LRGUK: variants seen among roughly 807,000 people sequenced by gnomAD.
LRGUK encodes the protein leucine-rich repeat and guanylate kinase domain-containing protein.
A neutral mutation model predicts 76.0 loss-of-function variants in LRGUK; 65 were observed. The ratio of observed to expected loss-of-function variants is 0.85; its 90% CI spans 0.70 to 1.05. The LOEUF (loss-of-function observed/expected upper bound fraction) is 1.05. Ranked by LOEUF, LRGUK falls within the 50% of genes least tolerant of loss-of-function variation. LRGUK has a pLI of 0.00. For missense variants in LRGUK, 758 were observed against 732.8 expected, an observed-to-expected ratio of 1.03 and a Z score of -0.40; for synonymous variants, 268 against 265.6, an observed-to-expected ratio of 1.01 and a Z score of -0.09.
exon 15 of LRGUK, chr7:134,201,555 A>G (rs911509465): frequency 1.2e-6 from 2 of 1,613,694 alleles, no homozygotes; most frequent in African/African-American, 2.7e-5. Context: ...GGAACCTGCC[A>G]AGAGTTTGGC....
chr7:134,239,572 C>T (rs921607305), intron 16 of LRGUK, among the ~76,000 whole-genome samples: 9 of 152,310 alleles, frequency 5.9e-5, no homozygotes, highest in African/African-American at 2.2e-4. Context: ...TGGGTGGAGC[C>T]CACCACAGCT....
downstream of LRGUK, among the ~76,000 whole-genome samples, chr7:134,265,848 T>C (rs1802844913): frequency 6.6e-6 from 1 of 152,186 alleles, no homozygotes; most frequent in Non-Finnish European, 1.5e-5. Context: ...TCCTTCCCAC[T>C]GGAGAGTATT....
At position 134,198,215 on chromosome 7, in the gene LRGUK, A is replaced by G. The variant is rs145692950; in HGVS notation, c.1546-1005A>G. ...TGTTTTCTTTGTTTCTATAATAACT[A>G]GCAAAAATAAAAGGTCTTTTCTAAA... is the stretch of plus-strand genomic sequence containing the variant. On this transcript the variant is annotated intron_variant, in intron 13 of 15. Transcript: ENST00000645682. 1.9e-3 allele frequency among the ~76,000 whole-genome samples: 295 copies of G among 152,366 alleles called. 1 individual carries two copies. Among genetic ancestry groups the G allele is most frequent in the African/African-American group, 6.5e-3 (269 of 41,598 alleles).
chr7:134,209,258 C>T, exon 16 of LRGUK: 1 of 399,128 alleles, frequency 2.5e-6, no homozygotes, highest in Non-Finnish European at 4.4e-6. Flanking sequence ...TGGCCCCACT[C>T]CCCTCAGCCC....
chr7:134,229,185 G>T (rs1168995029), intron 16 of LRGUK, among the ~76,000 whole-genome samples: 1 of 152,032 alleles, frequency 6.6e-6, no homozygotes, highest in African/African-American at 2.4e-5. Context: ...AAACCAGCCT[G>T]GCTAACATAT....
At position 134,258,354 on chromosome 7, in the gene LRGUK, T is replaced by C. The variant is rs543135931; in HGVS notation, c.2296T>C (p.Ser766Pro). The C allele has an allele frequency of 2.5e-6, 4 of 1,614,094 alleles. No individual in the cohort carries two copies. In the South Asian group the frequency reaches 4.4e-5, roughly 18 times the overall value. Residue 766 changes from serine (S) to proline (P), a missense_variant, in exon 19 of 20, where the codon TCA becomes CCA. Transcript: ENST00000285928. ...CCAGCCTCCGGAGGGGAGCATTTCT[T>C]CACACCTAGGATCAGGAGCCAGTGA...
intron 16 of LRGUK, among the ~76,000 whole-genome samples, chr7:134,228,798 G>A (rs1167763706): frequency 1.3e-5 from 2 of 152,178 alleles, no homozygotes; most frequent in East Asian, 3.9e-4. Flanking sequence ...ATCAAATTTT[G>A]ATGAGTCAAG....
chr7:134,229,842 T>C (rs998727253), intron 16 of LRGUK, among the ~76,000 whole-genome samples: 7 of 152,114 alleles, frequency 4.6e-5, no homozygotes, highest in African/African-American at 1.4e-4. Flanking sequence ...TAGATATAAA[T>C]AGGAACAAAA....
chr7:134,221,808 G>A, exon 16 of LRGUK: 1 of 1,571,376 alleles, frequency 6.4e-7, no homozygotes, highest in African/African-American at 1.4e-5. Flanking sequence ...GAAACCTGAA[G>A]CGCATCCTAC....
chr7:134,172,313 A>G (rs538290321), intron 7 of LRGUK, among the ~76,000 whole-genome samples: 26 of 152,284 alleles, frequency 1.7e-4, no homozygotes, highest in African/African-American at 4.1e-4. Flanking sequence ...TAATTTTTTT[A>G]CAAAAAATTA....
chr7:134,197,042 T>C lies in LRGUK; in HGVS notation c.1482T>C (p.Asn494=), dbSNP rs35258804. Residue 494 remains asparagine (N), a synonymous_variant, in exon 13 of 16, where the codon AAT becomes AAC. Coordinates refer to ENST00000645682, the Ensembl canonical transcript of LRGUK. ...ATGGTAATCACAAGTATGGATTAAA[T>C]AGGGACACCGTAGAAGGTATCGCAA... 13,539 of 1,612,142 alleles carry C rather than the reference T, an allele frequency of 8.4e-3. 570 individuals carry two copies. In the African/African-American group the frequency reaches 0.12, roughly 14 times the overall value.
chr7:134,139,558 AAAACTT>A, intron 3 of LRGUK, 41 bp downstream of exon 3: 1 of 1,332,140 alleles, frequency 7.5e-7, no homozygotes, highest in East Asian at 2.3e-5. Context: ...GAATTATCTG[AAAACTT>A]AAACGTTGCA....
At chr7:134,210,142 A>G in exon 16 of LRGUK, 1 of 399,282 alleles carries the variant, frequency 2.5e-6, no homozygotes, top group Non-Finnish European at 4.4e-6. Context: ...TGGAAGAGGC[A>G]CCACCTGGGA....
intron 14 of LRGUK, among the ~76,000 whole-genome samples, chr7:134,200,988 C>T (rs1188309899): frequency 6.6e-6 from 1 of 152,102 alleles, no homozygotes; most frequent in Non-Finnish European, 1.5e-5. Context: ...GGGCTGTCTG[C>T]CAAGAATTAT....
chr7:134,170,516 G>T (rs771030056), intron 7 of LRGUK, among the ~76,000 whole-genome samples: 1 of 151,884 alleles, frequency 6.6e-6, no homozygotes, highest in Non-Finnish European at 1.5e-5. Context: ...GTATATTTCA[G>T]AATAACTAAA....
downstream of LRGUK, among the ~76,000 whole-genome samples, chr7:134,211,629 C>T (rs1389536063): frequency 6.6e-6 from 1 of 152,208 alleles, no homozygotes; most frequent in African/African-American, 2.4e-5. Context: ...TGAATACCTT[C>T]CTTCTTTCTC....
chr7:134,196,306 C>CT (rs74433969), intron 12 of LRGUK, among the ~76,000 whole-genome samples: 12,717 of 148,932 alleles, frequency 0.085, 935 homozygotes, highest in East Asian at 0.39. Flanking sequence ...CCCACCCCTC[C>CT]TTTTTTTTTT....
Position 134,142,917 on chromosome 7 carries a change from A to T in LRGUK, c.488-145A>T, listed in dbSNP as rs575648993. On this transcript the variant is annotated intron_variant, in intron 3 of 15. Coordinates refer to ENST00000645682, the Ensembl canonical transcript of LRGUK. ...GTATATTTCACATACTCCTGATTTT[A>T]TTCCTTTCACTCATATGGAATAATT... The T allele has an allele frequency of 1.0e-4, 55 of 545,804 alleles. No individual in the cohort carries two copies. In the African/African-American group the frequency reaches 1.1e-3, roughly 10 times the overall value. 33.8% of individuals were successfully genotyped at this position (545,804 alleles called of 1,614,324 possible). A position where few individuals can be genotyped will look rare whatever the true frequency, so the allele number is the denominator to read the frequency against.
exon 4 of LRGUK, chr7:134,143,071 G>C (rs1797835276): frequency 6.3e-7 from 1 of 1,575,966 alleles, no homozygotes; most frequent in Non-Finnish European, 8.7e-7. Flanking sequence ...GATTTATCTT[G>C]TGTGAGTTGT....
Sources: gnomAD v4.1 joint callset for allele counts (sites outside exome capture counted in the v4.1 genomes callset) on GRCh38, gnomAD v4.1.1 for gene constraint, MANE v1.5 for transcripts, NCBI Gene and HGNC (gene_info 2026-07-23, HGNC 2026-07-21) for gene names.